GRM5: variants seen among roughly 807,000 people sequenced by gnomAD.
The protein encoded by GRM5 is metabotropic glutamate receptor 5.
GRM5 carries 19 observed loss-of-function variants against 83.1 expected under a neutral mutation model. The observed-to-expected ratio is 0.23, with a 90% CI of 0.16 to 0.34. The LOEUF (loss-of-function observed/expected upper bound fraction) is 0.34. Ranked by LOEUF, GRM5 falls within the 10% of genes least tolerant of loss-of-function variation. GRM5 has a pLI of 1.00. For synonymous variants in GRM5, 675 were observed against 633.6 expected (o/e 1.07, Z -0.98); for missense variants, 1,160 against 1,588.3 (o/e 0.73, Z 4.58).
chr11:88,993,884 A>G (rs1427454007), intron 2 of GRM5, among the ~76,000 whole-genome samples: 4 of 151,970 alleles, frequency 2.6e-5, no homozygotes, highest in Non-Finnish European at 5.9e-5. Flanking sequence ...ACCATACCCA[A>G]CTAGTTGTTT....
At chr11:88,770,839 T>A (rs868491606) in intron 3 of GRM5, among the ~76,000 whole-genome samples, 1 of 152,122 alleles carries the variant, frequency 6.6e-6, no homozygotes, top group Non-Finnish European at 1.5e-5. Flanking sequence ...AGTACAATCA[T>A]GTGATAATGT....
chr11:88,573,498 C>T (rs1426398999), intron 7 of GRM5, among the ~76,000 whole-genome samples: 1 of 152,144 alleles, frequency 6.6e-6, no homozygotes, highest in East Asian at 1.9e-4. Context: ...CCTTACCAAG[C>T]TCCTACATTC....
At position 88,601,328 on chromosome 11, in the gene GRM5, C is replaced by T. The variant is rs1391355014; in HGVS notation, c.1394+3390G>A. ...TTCTAGCCTCGTATTTTCTATTTAC[C>T]GCATCTGTTTGTGCTCCTCTGTTCT... On this transcript the variant is annotated intron_variant, in intron 5 of 9. Transcript: ENST00000305447. 3.9e-5 allele frequency among the ~76,000 whole-genome samples: 6 copies of T among 152,058 alleles called. No individual in the cohort carries two copies. In the South Asian group the frequency reaches 6.2e-4, roughly 16 times the overall value.
At chr11:88,718,841 C>T (rs1301748025) in intron 3 of GRM5, among the ~76,000 whole-genome samples, 2 of 151,926 alleles carry the variant, frequency 1.3e-5, no homozygotes, top group Non-Finnish European at 2.9e-5. Flanking sequence ...AACAACTGAA[C>T]ATGCACGTGG....
intron 3 of GRM5, among the ~76,000 whole-genome samples, chr11:88,696,050 A>C (rs1940893100): frequency 6.6e-6 from 1 of 152,112 alleles, no homozygotes; most frequent in African/African-American, 2.4e-5. Flanking sequence ...TGTACCAGAA[A>C]AATTGGGTCA....
chr11:88,873,886 A>G (rs1944809067), intron 2 of GRM5, among the ~76,000 whole-genome samples: 1 of 151,648 alleles, frequency 6.6e-6, no homozygotes, highest in African/African-American at 2.4e-5. Context: ...CAGAACATAG[A>G]CTAAAAATAA....
At chr11:88,967,954 T>C (rs1939037604) in intron 2 of GRM5, among the ~76,000 whole-genome samples, 1 of 151,966 alleles carries the variant, frequency 6.6e-6, no homozygotes, top group Non-Finnish European at 1.5e-5. Context: ...AAAAATAGAG[T>C]GACCATCAAA....
At chr11:88,830,579 G>C (rs1943971797) in intron 3 of GRM5, among the ~76,000 whole-genome samples, 1 of 152,154 alleles carries the variant, frequency 6.6e-6, no homozygotes, top group Admixed American at 6.5e-5. Context: ...CCAATGTGGG[G>C]AAAGAGTAAG....
chr11:88,864,816 T>A (rs1944633463), intron 2 of GRM5, among the ~76,000 whole-genome samples: 1 of 152,068 alleles, frequency 6.6e-6, no homozygotes, highest in Non-Finnish European at 1.5e-5. Context: ...CATAAATAGC[T>A]CTCATTATTT....
intron 2 of GRM5, among the ~76,000 whole-genome samples, chr11:88,908,989 C>G (rs538925732): frequency 1.3e-5 from 2 of 152,054 alleles, no homozygotes; most frequent in South Asian, 2.1e-4. Flanking sequence ...AACTTGGCAG[C>G]CTGTTAGTGG....
At chr11:88,798,917 T>G (rs550132552) in intron 3 of GRM5, among the ~76,000 whole-genome samples, 3 of 151,526 alleles carry the variant, frequency 2.0e-5, no homozygotes, top group Non-Finnish European at 4.4e-5. Flanking sequence ...GCATGAAACC[T>G]TGGCACCTGT....
chr11:88,543,320 T>C (rs1210618431), intron 8 of GRM5, among the ~76,000 whole-genome samples: 1 of 152,162 alleles, frequency 6.6e-6, no homozygotes, highest in Non-Finnish European at 1.5e-5. Flanking sequence ...AGCTTTCTCC[T>C]TCAAGCCTAG....
intron 1 of GRM5, among the ~76,000 whole-genome samples, chr11:89,063,802 C>T (rs1460976408): frequency 1.3e-5 from 2 of 152,178 alleles, no homozygotes; most frequent in Non-Finnish European, 2.9e-5. Context: ...CAGTGAGTTC[C>T]TTTAGGAACA....
At chr11:88,553,754 T>G (rs189599822) in intron 8 of GRM5, among the ~76,000 whole-genome samples, 9 of 152,238 alleles carry the variant, frequency 5.9e-5, no homozygotes, top group African/African-American at 2.2e-4. Flanking sequence ...ATGAATATAT[T>G]CTTGTCCTCA....
intron 2 of GRM5, among the ~76,000 whole-genome samples, chr11:88,945,310 C>T (rs886706345): frequency 2.0e-5 from 3 of 151,992 alleles, no homozygotes. Flanking sequence ...TTAAAATGGA[C>T]ATACTGCTCA....
chr11:88,681,258 C>T (rs1317222514), intron 3 of GRM5, among the ~76,000 whole-genome samples: 2 of 152,050 alleles, frequency 1.3e-5, no homozygotes, highest in Admixed American at 6.6e-5. Flanking sequence ...TGTTTACTTT[C>T]AAACTTGTAT....
At chr11:88,688,765 ATATT>A (rs1332980475) in intron 3 of GRM5, among the ~76,000 whole-genome samples, 1 of 152,044 alleles carries the variant, frequency 6.6e-6, no homozygotes, top group African/African-American at 2.4e-5. Flanking sequence ...TTAATTATAT[ATATT>A]CATAGTTGCA....
At chr11:88,825,333 A>C (rs905587032) in intron 3 of GRM5, among the ~76,000 whole-genome samples, 1 of 152,042 alleles carries the variant, frequency 6.6e-6, no homozygotes, top group African/African-American at 2.4e-5. Context: ...TAAGATTGAA[A>C]CAGTTTTGCT....
chr11:88,740,992 G>T (rs1299736474), intron 3 of GRM5, among the ~76,000 whole-genome samples: 3 of 152,032 alleles, frequency 2.0e-5, no homozygotes, highest in Non-Finnish European at 4.4e-5. Flanking sequence ...TATGTTCACT[G>T]CTATAGTAGA....
Sources: gnomAD v4.1 joint callset for allele counts (sites outside exome capture counted in the v4.1 genomes callset) on GRCh38, gnomAD v4.1.1 for gene constraint, MANE v1.5 for transcripts, NCBI Gene and HGNC (gene_info 2026-07-23, HGNC 2026-07-21) for gene names.